Variants in DPF3 observed in about 807,000 individuals in gnomAD.
DPF3 encodes the protein double PHD fingers 3.
Under a neutral mutation model 56.8 loss-of-function variants are expected in DPF3, and 18 were observed. That is an observed-to-expected ratio of 0.32 (90% confidence interval 0.22 to 0.47). DPF3 has a LOEUF of 0.47. Ranked by LOEUF, DPF3 falls within the 20% of genes least tolerant of loss-of-function variation. The probability of loss-of-function intolerance (pLI) is 1.00; values close to 1 mark genes in which losing one functional copy is unlikely to be tolerated. For synonymous variants in DPF3, 188 were observed against 180.2 expected, an observed-to-expected ratio of 1.04 and a Z score of -0.35; for missense variants, 403 against 488.8, an observed-to-expected ratio of 0.82 and a Z score of 1.65.
intron 6 of DPF3, among the ~76,000 whole-genome samples, chr14:72,705,771 G>T (rs994730256): frequency 6.6e-6 from 1 of 152,210 alleles, no homozygotes; most frequent in Non-Finnish European, 1.5e-5. Flanking sequence ...TCTGGCCTGG[G>T]CCCTGCCCTC....
chr14:72,780,899 T>G (rs1174615004), intron 1 of DPF3, among the ~76,000 whole-genome samples: 1 of 152,196 alleles, frequency 6.6e-6, no homozygotes, highest in East Asian at 1.9e-4. Context: ...CATCACCACA[T>G]GCTCCAAAAG....
chr14:72,680,224 T>G (rs1046165740), intron 7 of DPF3, among the ~76,000 whole-genome samples: 1 of 152,230 alleles, frequency 6.6e-6, no homozygotes, highest in African/African-American at 2.4e-5. Context: ...TTTACTCATA[T>G]AAATTATCCC....
chr14:72,652,460 T>TG (rs1314140953), intron 8 of DPF3, among the ~76,000 whole-genome samples: 1 of 152,026 alleles, frequency 6.6e-6, no homozygotes, highest in Non-Finnish European at 1.5e-5. Context: ...AGGATGGTGC[T>TG]GGGGGGAGGC....
chr14:72,775,840 G>A (rs1891723803), intron 1 of DPF3, among the ~76,000 whole-genome samples: 1 of 152,148 alleles, frequency 6.6e-6, no homozygotes, highest in African/African-American at 2.4e-5. Flanking sequence ...AATTCAAGAA[G>A]CACTTCTCCA....
chr14:72,611,969 A>G lies in DPF3; in HGVS notation c.*7328T>C, dbSNP rs1333479383. Among the ~76,000 whole-genome samples the G allele has an allele frequency of 6.6e-6, 1 of 152,160 alleles. No homozygotes were observed. The highest frequency in any genetic ancestry group is 1.5e-5 in the Non-Finnish European group (1 of 68,022). On this transcript the variant is annotated 3_prime_UTR_variant, in exon 11 of 11. Coordinates refer to ENST00000556509, the MANE Select transcript of DPF3 (RefSeq NM_001280542.3). ...AGCTTAATTTCATGGCTGAAAAGCA[A>G]CTTGAAGGCTAGGCCAGCATGCGGT...
At chr14:72,811,901 G>A (rs150952961) in intron 1 of DPF3, among the ~76,000 whole-genome samples, 1 of 152,178 alleles carries the variant, frequency 6.6e-6, no homozygotes, top group East Asian at 1.9e-4. Flanking sequence ...AGGGCACCCA[G>A]CCCTGGAGCG....
At chr14:72,803,863 A>G (rs894562060) in intron 1 of DPF3, among the ~76,000 whole-genome samples, 1 of 151,428 alleles carries the variant, frequency 6.6e-6, no homozygotes, top group African/African-American at 2.5e-5. Context: ...AAACATGTGC[A>G]GTGAAAGGGC....
At chr14:72,724,836 G>A (rs1193973831) in intron 4 of DPF3, among the ~76,000 whole-genome samples, 3 of 151,768 alleles carry the variant, frequency 2.0e-5, no homozygotes, top group African/African-American at 7.3e-5. Flanking sequence ...AGCCTGCCAA[G>A]TAGCTGGGAC....
At chr14:72,837,056 A>C (rs1884326748) in intron 1 of DPF3, among the ~76,000 whole-genome samples, 1 of 151,828 alleles carries the variant, frequency 6.6e-6, no homozygotes. Flanking sequence ...TTTTTAGTAG[A>C]GACAGGGTTT....
chr14:72,760,408 C>A (rs567991849), intron 2 of DPF3, among the ~76,000 whole-genome samples: 2 of 152,254 alleles, frequency 1.3e-5, no homozygotes, highest in African/African-American at 2.4e-5. Context: ...TTATAAGAAC[C>A]CTTGTGATTA....
At chr14:72,711,826 G>T (rs1478278018) in intron 6 of DPF3, among the ~76,000 whole-genome samples, 1 of 151,980 alleles carries the variant, frequency 6.6e-6, no homozygotes, top group Non-Finnish European at 1.5e-5. Flanking sequence ...GCAGCTTATG[G>T]TAACACCATC....
chr14:72,756,892 A>G (rs1331754501), intron 2 of DPF3, among the ~76,000 whole-genome samples: 18 of 113,476 alleles, frequency 1.6e-4, no homozygotes, highest in African/African-American at 4.1e-4. Flanking sequence ...AAGGAAAGAA[A>G]GAAAGAAAAG....
intron 4 of DPF3, among the ~76,000 whole-genome samples, chr14:72,725,429 G>C (rs1461688475): frequency 6.6e-6 from 1 of 152,078 alleles, no homozygotes; most frequent in Non-Finnish European, 1.5e-5. Context: ...AATGAGGACA[G>C]AGGGGAGGGA....
intron 8 of DPF3, among the ~76,000 whole-genome samples, chr14:72,638,327 T>C (rs748623756): frequency 6.6e-6 from 1 of 152,180 alleles, no homozygotes; most frequent in South Asian, 2.1e-4. Context: ...AGCCTTGACA[T>C]TTGCTGTGCA....
rs943469739 is a variant in DPF3, at chr14:72,614,002, C to T, written c.*5295G>A. 1.3e-5 allele frequency among the ~76,000 whole-genome samples: 2 copies of T among 152,130 alleles called. No homozygotes were observed. Among genetic ancestry groups the T allele is most frequent in the African/African-American group, 4.8e-5 (2 of 41,412 alleles). ...CCTGCCCCACTCTCAGCTGTCCACT[C>T]ACAGACCAGAGGGTCTCCAGCCTCC... On this transcript the variant is annotated 3_prime_UTR_variant, in exon 11 of 11. Coordinates refer to ENST00000556509, the MANE Select transcript of DPF3 (RefSeq NM_001280542.3).
chr14:72,775,782 C>G (rs962314221), intron 1 of DPF3, among the ~76,000 whole-genome samples: 2 of 152,066 alleles, frequency 1.3e-5, no homozygotes, highest in Non-Finnish European at 2.9e-5. Context: ...AAATTTAAAG[C>G]CTTTTTCAAG....
chr14:72,778,658 A>C (rs1891847677), intron 1 of DPF3, among the ~76,000 whole-genome samples: 1 of 152,180 alleles, frequency 6.6e-6, no homozygotes, highest in Admixed American at 6.5e-5. Flanking sequence ...TGGTGCCAGA[A>C]AGGTTGGGGA....
At chr14:72,791,267 C>T (rs545816998) in intron 1 of DPF3, among the ~76,000 whole-genome samples, 1 of 152,374 alleles carries the variant, frequency 6.6e-6, no homozygotes, top group African/African-American at 2.4e-5. Flanking sequence ...AACCCTGCCT[C>T]TCGGACATAT....
intron 1 of DPF3, among the ~76,000 whole-genome samples, chr14:72,857,496 C>T (rs991595245): frequency 6.6e-6 from 1 of 152,166 alleles, no homozygotes; most frequent in Non-Finnish European, 1.5e-5. Flanking sequence ...ATTACTACTG[C>T]TGCTGCTATT....
Sources: gnomAD v4.1 joint callset for allele counts (sites outside exome capture counted in the v4.1 genomes callset) on GRCh38, gnomAD v4.1.1 for gene constraint, MANE v1.5 for transcripts, NCBI Gene and HGNC (gene_info 2026-07-23, HGNC 2026-07-21) for gene names.